NSD2: variants seen among roughly 807,000 people sequenced by gnomAD.
NSD2 encodes the protein histone-lysine N-methyltransferase NSD2.
Under a neutral mutation model 139.0 loss-of-function variants are expected in NSD2, and 12 were observed. The ratio of observed to expected loss-of-function variants is 0.09; its 90% CI spans 0.06 to 0.14. The LOEUF (loss-of-function observed/expected upper bound fraction) is 0.14, where lower values mean the gene tolerates loss of function less well. NSD2 is among the 10% of genes least tolerant of loss of function. The probability of loss-of-function intolerance (pLI) is 1.00; values close to 1 mark genes in which losing one functional copy is unlikely to be tolerated. For synonymous variants in NSD2, 669 were observed against 648.7 expected (o/e 1.03, Z -0.48); for missense variants, 1,155 against 1,745.0 (o/e 0.66, Z 6.02).
At chr4:1,960,511 TGATGTATTTTG>T (rs1357855445) in intron 17 of NSD2, among the ~76,000 whole-genome samples, 1 of 152,218 alleles carries the variant, frequency 6.6e-6, no homozygotes, top group African/African-American at 2.4e-5. Flanking sequence ...CTGCTGACCC[TGATGTATTTTG>T]GCATGACCCA....
rs201550176 is a variant in NSD2 at position 1,961,817 on chromosome 4, GGCAGGCTTTTGGCT to G, written c.3372+667_3372+680del. ...GTGCGTGTCATCCCTTCCCTCACAC[GGCAGGCTTTTGGCT>G]TCTGGATGACTTCAGCTGGGGAAGT... On this transcript the variant is annotated intron_variant, in intron 18 of 21. Coordinates refer to ENST00000508803, the MANE Select transcript of NSD2 (RefSeq NM_001042424.3). Among the ~76,000 whole-genome samples, 200 of 152,318 alleles carry G rather than the reference GGCAGGCTTTTGGCT, an allele frequency of 1.3e-3. 2 individuals are homozygous for G. In the East Asian group the frequency reaches 0.038, roughly 29 times the overall value.
intron 7 of NSD2, among the ~76,000 whole-genome samples, chr4:1,936,479 T>C (rs1722410013): frequency 1.3e-5 from 2 of 152,114 alleles, no homozygotes; most frequent in African/African-American, 4.8e-5. Flanking sequence ...AAGACCAGTC[T>C]GGCCAACATG....
chr4:1,957,749 C>T (rs1724977555), intron 15 of NSD2, among the ~76,000 whole-genome samples, 184 bp from the exon 16 acceptor site: 1 of 152,150 alleles, frequency 6.6e-6, no homozygotes, highest in African/African-American at 2.4e-5. Context: ...ACTCCTTTGC[C>T]TCACACACTT....
In NSD2 at chr4:1,980,545, A is replaced by C. The variant is rs1727654388; in HGVS notation, c.*1636A>C. 4.3e-6 allele frequency: 1 copy of C among 233,102 alleles called. No homozygotes were observed. The highest frequency in any genetic ancestry group is 8.5e-6 in the Non-Finnish European group (1 of 118,000). 14.4% of individuals were successfully genotyped at this position (233,102 alleles called of 1,614,324 possible). Reference sequence around the variant, plus strand: ...TCTTTTATGCCTTGGTAAAAACTGCAGTGTCTTTGGACCTGAGAGTGGCTA... The same window carrying C: ...TCTTTTATGCCTTGGTAAAAACTGCCGTGTCTTTGGACCTGAGAGTGGCTA... On this transcript the variant is annotated 3_prime_UTR_variant, in exon 22 of 22. Coordinates refer to ENST00000508803, the MANE Select transcript of NSD2 (RefSeq NM_001042424.3).
intron 18 of NSD2, among the ~76,000 whole-genome samples, chr4:1,962,076 G>A (rs1202369039): frequency 6.6e-6 from 1 of 152,214 alleles, no homozygotes; most frequent in Non-Finnish European, 1.5e-5. Context: ...TAGAGAGAAA[G>A]GGCTGCTATG....
At chr4:1,887,307 T>C (rs1715185781) in intron 1 of NSD2, among the ~76,000 whole-genome samples, 1 of 152,190 alleles carries the variant, frequency 6.6e-6, no homozygotes, top group South Asian at 2.1e-4. Context: ...AGAACTGTCA[T>C]CACTTTTGAC....
intron 9 of NSD2, chr4:1,946,414 G>T (rs1368864365): frequency 9.1e-6 from 4 of 440,378 alleles, no homozygotes; most frequent in African/African-American, 8.6e-5. Flanking sequence ...ACTACAAGCG[G>T]CTGCCACCAC....
intron 18 of NSD2, among the ~76,000 whole-genome samples, chr4:1,963,431 G>C (rs970587901): frequency 2.0e-4 from 31 of 152,348 alleles, no homozygotes; most frequent in African/African-American, 7.5e-4. Flanking sequence ...ATGCTTCTCT[G>C]TTGTATCTGG....
chr4:1,950,019 G>C (rs1355907864), intron 9 of NSD2, among the ~76,000 whole-genome samples: 1 of 152,100 alleles, frequency 6.6e-6, no homozygotes, highest in Non-Finnish European at 1.5e-5. Context: ...ACTTGTTTTT[G>C]TGATGATTGA....
intron 3 of NSD2, among the ~76,000 whole-genome samples, chr4:1,912,710 C>T (rs1165042952): frequency 6.6e-6 from 1 of 152,076 alleles, no homozygotes; most frequent in African/African-American, 2.4e-5. Context: ...TTCCTTACTA[C>T]TTAGATTTTC....
intron 1 of NSD2, among the ~76,000 whole-genome samples, chr4:1,896,265 C>T (rs2108727283): frequency 6.6e-6 from 1 of 152,386 alleles, no homozygotes; most frequent in Non-Finnish European, 1.5e-5. Context: ...TTCCGGCTGC[C>T]AAGCCCCAGC....
At position 1,955,821 on chromosome 4, in the gene NSD2, A is replaced by G; in HGVS notation, c.2647A>G (p.Ile883Val). 1.2e-6 allele frequency: 2 copies of G among 1,614,196 alleles called. No homozygotes were observed. Among genetic ancestry groups the G allele is most frequent in the Non-Finnish European group, 1.7e-6 (2 of 1,179,986 alleles). The change falls in exon 14 of 22, where the codon ATC becomes GTC. Residue 883 changes from isoleucine to valine, a missense_variant. Coordinates refer to ENST00000508803, the MANE Select transcript of NSD2 (RefSeq NM_001042424.3). This position sits in a 1 kb window ranked among gnomAD's most constrained non-coding sequence, Gnocchi z 4.7. ...RAGKKLHFQD[I>V]IWVKLGNYRW... Reference sequence around the variant, plus strand: ...TGGGAAGAAGCTGCACTTCCAGGATATCATTTGGGTGAAACTTGGGAACTA... The same window carrying G: ...TGGGAAGAAGCTGCACTTCCAGGATGTCATTTGGGTGAAACTTGGGAACTA...
Position 1,979,046 on chromosome 4 carries a change from G to GCGCTCCCTCCC in NSD2, c.*137_*138insCGCTCCCTCCC. On this transcript the variant is annotated 3_prime_UTR_variant, in exon 22 of 22. Coordinates refer to ENST00000508803, the MANE Select transcript of NSD2 (RefSeq NM_001042424.3). ...ACAGACGTACAGGCCTCCTCGGGAG[G>GCGCTCCCTCCC]GAGCGCCTCCCCACCACTGAGCCAT... The GCGCTCCCTCCC allele has an allele frequency of 2.6e-6, 3 of 1,161,286 alleles. No individual in the cohort carries two copies. Among genetic ancestry groups the GCGCTCCCTCCC allele is most frequent in the Non-Finnish European group, 2.3e-6 (2 of 865,960 alleles). The allele number at this position is 1,161,286 out of a possible 1,614,324, so 71.9% of individuals were successfully genotyped here. A position where few individuals can be genotyped will look rare whatever the true frequency, so the allele number is the denominator to read the frequency against.
intron 7 of NSD2, 47 bp from the exon 8 acceptor site, chr4:1,938,401 CTTT>C (rs372125946): frequency 1.2e-6 from 1 of 854,920 alleles, no homozygotes; most frequent in Admixed American, 6.8e-5. Flanking sequence ...TTTTTCTTTT[CTTT>C]TTTTTTTCTT....
chr4:1,974,716 G>A lies in NSD2; in HGVS notation c.3373-147G>A. 1.8e-6 allele frequency: 2 copies of A among 1,129,914 alleles called. No homozygotes were observed. Among genetic ancestry groups the A allele is most frequent in the Non-Finnish European group, 2.7e-6 (2 of 750,768 alleles). The allele number at this position is 1,129,914 out of a possible 1,614,324, so 70.0% of individuals were successfully genotyped here. On this transcript the variant is annotated intron_variant, in intron 18 of 21. Transcript: ENST00000508803. This position sits in a 1 kb window ranked among gnomAD's most constrained non-coding sequence, Gnocchi z 4.0. Reference sequence around the variant, plus strand: ...AGAGAAACAGGACTGGTTTGGGGGTGTCCTGTCTCAGTGGACACAGGACAC... The same window carrying A: ...AGAGAAACAGGACTGGTTTGGGGGTATCCTGTCTCAGTGGACACAGGACAC...
chr4:1,949,588 C>T (rs1723998097), intron 9 of NSD2, among the ~76,000 whole-genome samples: 1 of 152,074 alleles, frequency 6.6e-6, no homozygotes, highest in Admixed American at 6.5e-5. Context: ...TGGTGAAACC[C>T]CATCTCTACT....
chr4:1,886,890 T>C (rs550596354), intron 1 of NSD2, among the ~76,000 whole-genome samples: 16 of 152,290 alleles, frequency 1.1e-4, no homozygotes, highest in Middle Eastern at 3.4e-3. Flanking sequence ...CAGATTGATA[T>C]ATGTTCAATT....
Position 1,976,374 on chromosome 4 carries a change from A to G in NSD2, c.3622-101A>G. 1 of 1,217,946 alleles carries G rather than the reference A, an allele frequency of 8.2e-7. No individual in the cohort carries two copies. The highest frequency in any genetic ancestry group is 2.6e-5 in the East Asian group (1 of 39,004). 75.4% of individuals were successfully genotyped at this position (1,217,946 alleles called of 1,614,324 possible). A position where few individuals can be genotyped will look rare whatever the true frequency, so the allele number is the denominator to read the frequency against. On this transcript the variant is annotated intron_variant, in intron 20 of 21. Transcript: ENST00000508803. The surrounding 1 kb of genome is among the most constrained non-coding windows in gnomAD (Gnocchi z 5.3). ...TCTCCTCTTAGTGTTGGGCACCTGC[A>G]GAGATCTCTGAAGTTCCTGGAGTGT... is the stretch of plus-strand genomic sequence containing the variant.
chr4:1,941,913 TA>T, intron 9 of NSD2: 4 of 1,072,138 alleles, frequency 3.7e-6, no homozygotes, highest in Non-Finnish European at 4.5e-6. Flanking sequence ...TGTAGTGTTA[TA>T]AAAAACAGCC....
Sources: allele counts gnomAD v4.1 joint callset (sites outside exome capture counted in the v4.1 genomes callset), GRCh38; gene constraint gnomAD v4.1.1; non-coding constraint Gnocchi (gnomAD v3.1); transcripts MANE v1.5; gene names NCBI Gene and HGNC (gene_info 2026-07-23, HGNC 2026-07-21).